Variants in ZFR observed in about 807,000 individuals in gnomAD.
ZFR encodes zinc finger RNA-binding protein.
In ZFR, 19 loss-of-function variants were observed where a neutral mutation model predicts 130.7. The ratio of observed to expected loss-of-function variants is 0.15; its 90% confidence interval spans 0.10 to 0.21. The LOEUF (loss-of-function observed/expected upper bound fraction) is 0.21. Among genes scored for constraint, ZFR ranks in the 10% least tolerant of loss-of-function variants. The pLI, the probability that ZFR is intolerant of heterozygous loss-of-function variation, is 1.00. For synonymous variants in ZFR, 466 were observed against 456.9 expected, an observed-to-expected ratio of 1.02 and a Z score of -0.25; for missense variants, 872 against 1,321.5, an observed-to-expected ratio of 0.66 and a Z score of 5.27.
At chr5:32,415,975 T>G (rs958218967) in intron 4 of ZFR, among the ~76,000 whole-genome samples, 20 of 152,120 alleles carry the variant, frequency 1.3e-4, no homozygotes, top group Non-Finnish European at 2.4e-4. Flanking sequence ...TTTTATCTTT[T>G]TTTTTTTTGA....
At position 32,400,025 on chromosome 5, in the gene ZFR, G is replaced by T; in HGVS notation, c.1695C>A (p.Gly565=). ...AALQSDVQPV[G]HDYVEEVRND... ...CAATTACCTCTTCCACATAATCATG[G>T]CCCACTGGCTGCACATCACTCTGTA... The change falls in exon 9 of 20, where the codon GGC becomes GGA. Residue 565 remains glycine, a synonymous_variant. Coordinates refer to ENST00000265069, the MANE Select transcript of ZFR (RefSeq NM_016107.5). The T allele has an allele frequency of 6.2e-7, 1 of 1,604,984 alleles. No homozygotes were observed. The highest frequency in any genetic ancestry group is 8.5e-7 in the Non-Finnish European group (1 of 1,176,124).
chr5:32,379,804 A>T (rs1395136955), intron 16 of ZFR: 2 of 299,476 alleles, frequency 6.7e-6, no homozygotes, highest in Non-Finnish European at 1.3e-5. Context: ...GTTCCTAAAC[A>T]AGTCAACTTT....
intron 14 of ZFR, among the ~76,000 whole-genome samples, chr5:32,386,439 G>A (rs1581690125): frequency 1.3e-5 from 2 of 152,068 alleles, no homozygotes; most frequent in East Asian, 1.9e-4. Context: ...TAGCTTAACT[G>A]GTTGTTAGTT....
chr5:32,400,471 T>C (rs1035013571), intron 8 of ZFR, among the ~76,000 whole-genome samples: 1 of 152,160 alleles, frequency 6.6e-6, no homozygotes, highest in Non-Finnish European at 1.5e-5. Flanking sequence ...GTACCTGAAA[T>C]GGTAAGGACT....
At chr5:32,397,109 A>G (rs1753331475) in intron 10 of ZFR, 110 bp downstream of exon 10, 1 of 1,266,678 alleles carries the variant, frequency 7.9e-7, no homozygotes, top group Non-Finnish European at 1.1e-6. Flanking sequence ...ATGGGACATC[A>G]TGGACTTGGC....
chr5:32,367,568 A>G (rs1037075895), intron 17 of ZFR, among the ~76,000 whole-genome samples: 2 of 152,094 alleles, frequency 1.3e-5, no homozygotes, highest in African/African-American at 2.4e-5. Flanking sequence ...AGAACCCACT[A>G]CCATGCTTGG....
At chr5:32,381,176 T>C (rs1417878174) in intron 15 of ZFR, among the ~76,000 whole-genome samples, 2 of 152,164 alleles carry the variant, frequency 1.3e-5, no homozygotes, top group Non-Finnish European at 2.9e-5. Context: ...GTAGGGTCTT[T>C]AAGCTGATTA....
chr5:32,355,544 T>C lies in ZFR; in HGVS notation c.*216A>G, dbSNP rs1264952846. 4 of 364,228 alleles carry C rather than the reference T, an allele frequency of 1.1e-5. No homozygotes were observed. Among genetic ancestry groups the C allele is most frequent in the Non-Finnish European group, 1.4e-5 (3 of 207,952 alleles). The allele number at this position is 364,228 out of a possible 1,614,324, so 22.6% of individuals were successfully genotyped here. ...TAATGGGAAAAAATCGGAACTACTG[T>C]TTTCCCCCTAGTCGGAGCACATTTT... is the stretch of plus-strand genomic sequence containing the variant. On this transcript the variant is annotated 3_prime_UTR_variant, in exon 20 of 20. Coordinates refer to ENST00000265069, the MANE Select transcript of ZFR (RefSeq NM_016107.5).
chr5:32,381,881 T>G (rs928759954), intron 15 of ZFR, among the ~76,000 whole-genome samples: 2 of 152,184 alleles, frequency 1.3e-5, no homozygotes, highest in African/African-American at 4.8e-5. Context: ...ACAAAAATAT[T>G]AGTTCTCTCA....
intron 17 of ZFR, among the ~76,000 whole-genome samples, chr5:32,378,147 T>C (rs1441375611): frequency 1.3e-5 from 2 of 152,218 alleles, no homozygotes; most frequent in African/African-American, 4.8e-5. Context: ...TCTTTAACCT[T>C]GATATTTCAG....
chr5:32,403,821 T>C, intron 7 of ZFR, 85 bp downstream of exon 7: 2 of 1,363,822 alleles, frequency 1.5e-6, no homozygotes, highest in African/African-American at 1.4e-5. Context: ...TTTCGAACTT[T>C]GAAGTTACCT....
chr5:32,404,751 GTTAA>G (rs1274576945), intron 6 of ZFR, among the ~76,000 whole-genome samples: 7 of 152,206 alleles, frequency 4.6e-5, no homozygotes, highest in Admixed American at 2.6e-4. Context: ...GAGGAAGGCT[GTTAA>G]TTAATACGAG....
At chr5:32,381,082 A>C (rs370582446) in intron 15 of ZFR, among the ~76,000 whole-genome samples, 86 of 152,308 alleles carry the variant, frequency 5.6e-4, no homozygotes, top group African/African-American at 2.0e-3. Context: ...GAGAAACAAT[A>C]GGCAAGCAGA....
chr5:32,406,635 A>C (rs1753584800), intron 6 of ZFR, 139 bp downstream of exon 6: 1 of 1,225,464 alleles, frequency 8.2e-7, no homozygotes, highest in East Asian at 2.8e-5. Flanking sequence ...TCATGCCACA[A>C]TACAAGTAAC....
intron 11 of ZFR, among the ~76,000 whole-genome samples, chr5:32,392,286 TA>T (rs10717242): frequency 0.4 from 60,908 of 151,944 alleles, 12,466 homozygotes; most frequent in East Asian, 0.56. Context: ...GGATGCTTAA[TA>T]GTTGGTATTA....
At chr5:32,395,687 C>T (rs1274797141) in intron 10 of ZFR, among the ~76,000 whole-genome samples, 1 of 152,186 alleles carries the variant, frequency 6.6e-6, no homozygotes, top group African/African-American at 2.4e-5. Flanking sequence ...CCCTCCTCTT[C>T]TTCCTCAGCC....
intron 9 of ZFR, among the ~76,000 whole-genome samples, chr5:32,398,978 T>C (rs1337954278): frequency 6.6e-6 from 1 of 151,964 alleles, no homozygotes; most frequent in African/African-American, 2.4e-5. Flanking sequence ...AACAAATATT[T>C]ATTTAAAACC....
intron 2 of ZFR, among the ~76,000 whole-genome samples, chr5:32,435,733 G>A (rs1256015148): frequency 6.6e-6 from 1 of 152,122 alleles, no homozygotes; most frequent in East Asian, 1.9e-4. Flanking sequence ...CATACTAGTA[G>A]TGTATTTTAT....
intron 17 of ZFR, among the ~76,000 whole-genome samples, chr5:32,370,310 GGAGAGAGAGAGAGAGAGAGAGAGA>G (rs769362722): frequency 1.4e-5 from 1 of 69,856 alleles, no homozygotes; most frequent in East Asian, 4.3e-4. Flanking sequence ...TGTTGTGGGG[GGAGAGAGAGAGAGAGAGAGAGAGA>G]GAGAGAGAGA....
Sources: gnomAD v4.1 joint callset for allele counts (sites outside exome capture counted in the v4.1 genomes callset) on GRCh38, gnomAD v4.1.1 for gene constraint, MANE v1.5 for transcripts, NCBI Gene and HGNC (gene_info 2026-07-23, HGNC 2026-07-21) for gene names.